The following FAM114A1 variants were observed in gnomAD, a reference collection of about 807,000 sequenced individuals.
FAM114A1 encodes the protein protein NOXP20.
A neutral mutation model predicts 64.3 loss-of-function variants in FAM114A1; 62 were observed. The observed-to-expected ratio is 0.96, with a 90% CI of 0.79 to 1.19. FAM114A1 has a LOEUF of 1.19. Among genes scored for constraint, FAM114A1 ranks in the 50% most tolerant of loss-of-function variants. The probability of loss-of-function intolerance (pLI) is 0.00; values close to 1 mark genes in which losing one functional copy is unlikely to be tolerated. For synonymous variants in FAM114A1, 254 were observed against 251.1 expected (o/e 1.01, Z -0.11); for missense variants, 645 against 676.3 (o/e 0.95, Z 0.51).
chr4:38,897,083 A>G (rs1579328425), intron 4 of FAM114A1, among the ~76,000 whole-genome samples: 1 of 152,316 alleles, frequency 6.6e-6, no homozygotes, highest in East Asian at 1.9e-4. Flanking sequence ...AGGAGAATAG[A>G]AACAATTGAA....
rs199807598 is a variant in FAM114A1 at position 38,903,562 on chromosome 4, C to CAT, written c.437-1949_437-1948dup. ...GCACATTATTTCCTTTTGGAAAATG[C>CAT]ATATATATATATTTAATGGCAGGGA... On this transcript the variant is annotated intron_variant, in intron 4 of 14. Coordinates refer to ENST00000358869, the MANE Select transcript of FAM114A1 (RefSeq NM_138389.4). 1.1e-4 allele frequency among the ~76,000 whole-genome samples: 16 copies of CAT among 151,982 alleles called. No homozygotes were observed. The East Asian group carries it at 2.7e-3, about 26-fold the overall frequency.
At chr4:38,890,637 C>T (rs1716268515) in intron 3 of FAM114A1, among the ~76,000 whole-genome samples, 1 of 151,914 alleles carries the variant, frequency 6.6e-6, no homozygotes, top group Non-Finnish European at 1.5e-5. Context: ...GCCTTGTTTT[C>T]TAGAATGTGT....
intron 12 of FAM114A1, among the ~76,000 whole-genome samples, chr4:38,935,387 C>G (rs958448662): frequency 6.6e-6 from 1 of 151,938 alleles, no homozygotes; most frequent in Non-Finnish European, 1.5e-5. Flanking sequence ...GGAAACCAGC[C>G]GTCTGGCCAG....
chr4:38,907,785 AAC>A (rs781623753), intron 6 of FAM114A1, among the ~76,000 whole-genome samples: 14 of 152,228 alleles, frequency 9.2e-5, no homozygotes, highest in Non-Finnish European at 1.9e-4. Context: ...GGTGGGGAAA[AAC>A]ACAGATGTAT....
At chr4:38,912,984 G>A (rs1718700468) in intron 7 of FAM114A1, among the ~76,000 whole-genome samples, 1 of 152,218 alleles carries the variant, frequency 6.6e-6, no homozygotes, top group South Asian at 2.1e-4. Flanking sequence ...ACAGACAGGA[G>A]AGAGAATTCT....
intron 10 of FAM114A1, among the ~76,000 whole-genome samples, chr4:38,930,761 G>C (rs1019646916): frequency 6.6e-6 from 1 of 152,182 alleles, no homozygotes; most frequent in Non-Finnish European, 1.5e-5. Flanking sequence ...CTGCCCCTTC[G>C]TTCTAAATTC....
intron 4 of FAM114A1, among the ~76,000 whole-genome samples, chr4:38,892,711 A>C (rs1716520823): frequency 6.6e-6 from 1 of 152,210 alleles, no homozygotes; most frequent in Admixed American, 6.5e-5. Flanking sequence ...CACATCATCC[A>C]CTTCAGGTAT....
intron 4 of FAM114A1, among the ~76,000 whole-genome samples, chr4:38,898,850 A>G (rs141861172): frequency 6.6e-6 from 1 of 151,618 alleles, no homozygotes; most frequent in African/African-American, 2.4e-5. Context: ...ACAACTTTTT[A>G]TAATATCTTG....
intron 9 of FAM114A1, among the ~76,000 whole-genome samples, chr4:38,927,354 T>G (rs7663820): frequency 0.28 from 42,870 of 151,958 alleles, 6,268 homozygotes; most frequent in Middle Eastern, 0.38. Flanking sequence ...TCTAATGAGG[T>G]CTCCTGATCT....
intron 3 of FAM114A1, among the ~76,000 whole-genome samples, chr4:38,881,633 A>G (rs950543879): frequency 2.0e-5 from 3 of 152,212 alleles, no homozygotes; most frequent in African/African-American, 7.2e-5. Context: ...CATTCTACGT[A>G]GGTGCAAATT....
At chr4:38,931,240 C>T (rs981218833) in intron 10 of FAM114A1, among the ~76,000 whole-genome samples, 1 of 152,148 alleles carries the variant, frequency 6.6e-6, no homozygotes, top group Admixed American at 6.6e-5. Flanking sequence ...TCCATACCTT[C>T]TGTTCTGTCC....
At chr4:38,898,139 G>A (rs960595472) in intron 4 of FAM114A1, among the ~76,000 whole-genome samples, 4 of 152,160 alleles carry the variant, frequency 2.6e-5, no homozygotes, top group African/African-American at 4.8e-5. Context: ...GTAGAATACA[G>A]TAATTTATTT....
intron 14 of FAM114A1, 79 bp downstream of exon 14, chr4:38,941,100 C>A: frequency 1.6e-6 from 2 of 1,255,660 alleles, no homozygotes; most frequent in Admixed American, 2.1e-5. Flanking sequence ...TGCCTTTCTT[C>A]CCCCACAGCA....
rs1468434429 is a variant in FAM114A1, at chr4:38,943,721, A to T, written c.*164A>T. 1.9e-6 allele frequency: 1 copy of T among 525,444 alleles called. No individual in the cohort carries two copies. Among genetic ancestry groups the T allele is most frequent in the East Asian group, 2.9e-5 (1 of 34,100 alleles). 32.5% of individuals were successfully genotyped at this position (525,444 alleles called of 1,614,324 possible). A position where few individuals can be genotyped will look rare whatever the true frequency, so the allele number is the denominator to read the frequency against. On this transcript the variant is annotated 3_prime_UTR_variant, in exon 15 of 15. Coordinates refer to ENST00000358869, the MANE Select transcript of FAM114A1 (RefSeq NM_138389.4). ...TGAGAATGCAAATTTAGAGAGAGTT[A>T]TCATTTCTCTCAATGTGTATAATTG...
At position 38,868,112 on chromosome 4, in the gene FAM114A1, C is replaced by T. The variant is rs375118268; in HGVS notation, c.-158+278C>T. ...GGGTCCACGCTCATGCACACACCCA[C>T]ACGCCCACACTCAGGGTCTGCCCCC... On this transcript the variant is annotated intron_variant, in intron 1 of 14. Coordinates refer to ENST00000358869, the MANE Select transcript of FAM114A1 (RefSeq NM_138389.4). The T allele has an allele frequency of 4.2e-4, 117 of 275,552 alleles. 1 individual carries two copies. The highest frequency in any genetic ancestry group is 9.5e-4 in the South Asian group (30 of 31,508). The allele number at this position is 275,552 out of a possible 1,614,324, so 17.1% of individuals were successfully genotyped here. A position where few individuals can be genotyped will look rare whatever the true frequency, so the allele number is the denominator to read the frequency against.
chr4:38,926,254 C>T (rs745667354), intron 9 of FAM114A1, among the ~76,000 whole-genome samples: 1 of 151,766 alleles, frequency 6.6e-6, no homozygotes, highest in Non-Finnish European at 1.5e-5. Context: ...GCCCAGAACT[C>T]TCTGTGCTCT....
intron 12 of FAM114A1, 125 bp downstream of exon 12, chr4:38,932,499 T>C (rs1361668575): frequency 9.2e-7 from 1 of 1,083,214 alleles, no homozygotes; most frequent in Non-Finnish European, 1.3e-6. Flanking sequence ...TGTTTGTTTT[T>C]GTTTTTTGTT....
chr4:38,897,487 C>CA (rs1473297304), intron 4 of FAM114A1, among the ~76,000 whole-genome samples: 3 of 152,122 alleles, frequency 2.0e-5, no homozygotes, highest in Non-Finnish European at 2.9e-5. Flanking sequence ...AATGCTTATA[C>CA]AAAATCAAAC....
intron 3 of FAM114A1, among the ~76,000 whole-genome samples, chr4:38,880,983 G>A (rs1467274967): frequency 1.2e-4 from 19 of 152,074 alleles, no homozygotes; most frequent in Admixed American, 1.3e-4. Context: ...TCAGGAGTTC[G>A]AGACCAGCCT....
Sources: gnomAD v4.1 joint callset for allele counts (sites outside exome capture counted in the v4.1 genomes callset) on GRCh38, gnomAD v4.1.1 for gene constraint, MANE v1.5 for transcripts, NCBI Gene and HGNC (gene_info 2026-07-23, HGNC 2026-07-21) for gene names.